STARD10: variants seen among roughly 807,000 people sequenced by gnomAD.
The protein encoded by STARD10 is START domain-containing protein 10.
STARD10 carries 24 observed loss-of-function variants against 36.0 expected under a neutral mutation model. The observed-to-expected ratio is 0.67, with a 90% CI of 0.48 to 0.94. The LOEUF (loss-of-function observed/expected upper bound fraction) is 0.94, where lower values mean the gene tolerates loss of function less well. STARD10 is among the 40% of genes least tolerant of loss of function. The pLI, the probability that STARD10 is intolerant of heterozygous loss-of-function variation, is 0.00. For synonymous variants in STARD10, 156 were observed against 161.9 expected, an observed-to-expected ratio of 0.96 and a Z score of 0.28; for missense variants, 335 against 396.6, an observed-to-expected ratio of 0.84 and a Z score of 1.32.
chr11:72,760,135 T>C (rs1010405755), intron 2 of STARD10, among the ~76,000 whole-genome samples: 3 of 152,154 alleles, frequency 2.0e-5, no homozygotes, highest in African/African-American at 7.2e-5. Context: ...TCTCTTGACC[T>C]TGTGATCCAC....
intron 2 of STARD10, among the ~76,000 whole-genome samples, chr11:72,761,343 TG>T (rs1231886666): frequency 1.3e-5 from 2 of 152,164 alleles, no homozygotes; most frequent in Non-Finnish European, 2.9e-5. Flanking sequence ...CAAACTGATT[TG>T]GACACACCAT....
chr11:72,775,274 C>T (rs1307339620), intron 2 of STARD10, among the ~76,000 whole-genome samples: 1 of 152,230 alleles, frequency 6.6e-6, no homozygotes, highest in Non-Finnish European at 1.5e-5. Flanking sequence ...TTCCCCACAA[C>T]CTGGCTTTAA....
At chr11:72,762,988 G>C (rs191140223) in intron 2 of STARD10, among the ~76,000 whole-genome samples, 5 of 152,340 alleles carry the variant, frequency 3.3e-5, no homozygotes, top group Non-Finnish European at 5.9e-5. Flanking sequence ...GTGCCAGGAA[G>C]TAAGCAAATA....
rs554184746 is a variant in STARD10 at position 72,783,518 on chromosome 11, C to T, written c.-113-2224G>A. The T allele has an allele frequency of 2.0e-5, 3 of 152,850 alleles. No individual in the cohort carries two copies. The East Asian group carries it at 5.8e-4, about 30-fold the overall frequency. 9.5% of individuals were successfully genotyped at this position (152,850 alleles called of 1,614,324 possible). A position where few individuals can be genotyped will look rare whatever the true frequency, so the allele number is the denominator to read the frequency against. On this transcript the variant is annotated intron_variant, in intron 1 of 6. Coordinates refer to ENST00000334805, the MANE Select transcript of STARD10 (RefSeq NM_006645.3). ...CTCTAGGCAGGTCACTGCCCCTCCCCAGGCCTCAGCAGTTTTACTTGATAC... is the reference window on the plus strand; with the variant it reads ...CTCTAGGCAGGTCACTGCCCCTCCCTAGGCCTCAGCAGTTTTACTTGATAC...
chr11:72,784,969 A>G (rs1859053359), intron 1 of STARD10, among the ~76,000 whole-genome samples: 1 of 152,236 alleles, frequency 6.6e-6, no homozygotes, highest in Non-Finnish European at 1.5e-5. Context: ...CCTGCATCAC[A>G]CAGCAAGTCA....
At chr11:72,792,118 C>T (rs1281065726) in intron 1 of STARD10, among the ~76,000 whole-genome samples, 3 of 145,010 alleles carry the variant, frequency 2.1e-5, no homozygotes, top group South Asian at 2.2e-4. Flanking sequence ...GGCGCCATCT[C>T]GGCTCACCGC....
chr11:72,760,268 C>T (rs1458298411), intron 2 of STARD10, among the ~76,000 whole-genome samples: 1 of 151,928 alleles, frequency 6.6e-6, no homozygotes, highest in Admixed American at 6.6e-5. Context: ...CTCTTGTTGC[C>T]CAGGCTGGAG....
rs367937229 is a variant in STARD10 at position 72,759,337 on chromosome 11, G to A, written c.252C>T (p.Asp84=). 2.2e-4 allele frequency: 348 copies of A among 1,613,754 alleles called. 7 individuals are homozygous for A. The South Asian group carries it at 2.4e-3, about 11-fold the overall frequency. The change falls in exon 3 of 7, where the codon GAC becomes GAT. Residue 84 remains aspartate (D), a synonymous_variant. Transcript: ENST00000334805. ...CCDVPAETLY[D]VLHDIEYRKK... is the part of the protein sequence containing the mutation. ...TGCGGTACTCAATGTCGTGTAGGACGTCGTAGAGTGTCTCGGCTGGCACAT... is the reference window on the plus strand; with the variant it reads ...TGCGGTACTCAATGTCGTGTAGGACATCGTAGAGTGTCTCGGCTGGCACAT...
intron 2 of STARD10, among the ~76,000 whole-genome samples, chr11:72,773,529 C>T (rs1277658866): frequency 6.6e-6 from 1 of 152,236 alleles, no homozygotes. Context: ...CAGAAACACA[C>T]ACAGAGTCTC....
intron 2 of STARD10, among the ~76,000 whole-genome samples, chr11:72,762,677 T>C (rs137950839): frequency 5.5e-4 from 84 of 152,202 alleles, no homozygotes; most frequent in African/African-American, 1.7e-3. Context: ...AAAGTGCTCA[T>C]TGGGGGCATA....
At chr11:72,791,212 C>T (rs1859139049) in intron 1 of STARD10, among the ~76,000 whole-genome samples, 1 of 152,148 alleles carries the variant, frequency 6.6e-6, no homozygotes, top group Admixed American at 6.5e-5. Context: ...GGGTCACAGT[C>T]TTAAATCACT....
intron 1 of STARD10, among the ~76,000 whole-genome samples, chr11:72,790,981 G>A (rs566025837): frequency 6.6e-6 from 1 of 152,304 alleles, no homozygotes; most frequent in East Asian, 1.9e-4. Context: ...CTCGACCTGT[G>A]TTCACAAGTA....
In STARD10 at chr11:72,788,574, C is replaced by CT. The variant is rs72079658; in HGVS notation, c.-114+4300dup. ...ATTTGTTGCTTATCTGAAATTCAGC[C>CT]TTTTTTTTTTTTTAGATGGCGTCTC... On this transcript the variant is annotated intron_variant, in intron 1 of 6. Transcript: ENST00000334805. 2.8e-3 allele frequency among the ~76,000 whole-genome samples: 403 copies of CT among 146,448 alleles called. 2 individuals carry two copies. Among genetic ancestry groups the CT allele is most frequent in the East Asian group, 0.013 (64 of 5,000 alleles).
At position 72,781,206 on chromosome 11, in the gene STARD10, C is replaced by T. The variant is rs1858992158; in HGVS notation, c.-25G>A. Reference sequence around the variant, plus strand: ...TGGGGAGTGTGGGGAGGCCCAGGGCCCTGGTCCTAGTCCGGCTCTCCTGGG... The same window carrying T: ...TGGGGAGTGTGGGGAGGCCCAGGGCTCTGGTCCTAGTCCGGCTCTCCTGGG... On this transcript the variant is annotated 5_prime_UTR_variant, in exon 2 of 7. Coordinates refer to ENST00000334805, the MANE Select transcript of STARD10 (RefSeq NM_006645.3). This position sits in a 1 kb window ranked among gnomAD's most constrained non-coding sequence, Gnocchi z 4.7. 6.3e-7 allele frequency: 1 copy of T among 1,597,892 alleles called. No homozygotes were observed.
At chr11:72,764,922 G>A (rs1443807071) in intron 2 of STARD10, among the ~76,000 whole-genome samples, 1 of 152,168 alleles carries the variant, frequency 6.6e-6, no homozygotes, top group Non-Finnish European at 1.5e-5. Context: ...GCTTGAGTAC[G>A]TTTAAAGCCT....
intron 2 of STARD10, among the ~76,000 whole-genome samples, chr11:72,761,483 G>A (rs534318338): frequency 1.3e-5 from 2 of 152,120 alleles, no homozygotes; most frequent in East Asian, 1.9e-4. Flanking sequence ...TAGGTTGGGC[G>A]CGGTGGCTCA....
chr11:72,756,380 TTCACTCACTCAC>T (rs371400534), intron 5 of STARD10, among the ~76,000 whole-genome samples: 1 of 151,954 alleles, frequency 6.6e-6, no homozygotes, highest in African/African-American at 2.4e-5. Flanking sequence ...CCTCTAGTCA[TTCACTCACTCAC>T]TCACTCACTC....
intron 1 of STARD10, among the ~76,000 whole-genome samples, chr11:72,787,980 G>T (rs999121845): frequency 3.9e-5 from 6 of 152,092 alleles, no homozygotes; most frequent in Non-Finnish European, 8.8e-5. Flanking sequence ...CAGGGACACC[G>T]TTTGGGTGAT....
At chr11:72,787,918 G>A (rs1591273821) in intron 1 of STARD10, among the ~76,000 whole-genome samples, 1 of 152,326 alleles carries the variant, frequency 6.6e-6, no homozygotes. Flanking sequence ...TCAGTGTCCT[G>A]ACTCAGTACA....
Sources: gnomAD v4.1 joint callset for allele counts (sites outside exome capture counted in the v4.1 genomes callset) on GRCh38, gnomAD v4.1.1 for gene constraint, Gnocchi (gnomAD v3.1) non-coding constraint, MANE v1.5 for transcripts, NCBI Gene and HGNC (gene_info 2026-07-23, HGNC 2026-07-21) for gene names.